Variants in PCGF5 observed in about 807,000 individuals in gnomAD.
PCGF5 encodes polycomb group ring finger 5.
PCGF5 carries 9 observed loss-of-function variants against 44.3 expected under a neutral mutation model. That is an observed-to-expected ratio of 0.20 (90% confidence interval 0.12 to 0.35). The LOEUF is 0.35. Ranked by LOEUF, PCGF5 falls within the 10% of genes least tolerant of loss-of-function variation. The pLI is 1.00. For missense variants in PCGF5, 146 were observed against 305.3 expected, an observed-to-expected ratio of 0.48 and a Z score of 3.89; for synonymous variants, 95 against 102.5, an observed-to-expected ratio of 0.93 and a Z score of 0.44.
intron 3 of PCGF5, among the ~76,000 whole-genome samples, chr10:91,245,899 G>A (rs1564647673): frequency 6.6e-6 from 1 of 152,192 alleles, no homozygotes; most frequent in Non-Finnish European, 1.5e-5. Flanking sequence ...ACTTGTGAGT[G>A]TAGTATGATT....
intron 3 of PCGF5, among the ~76,000 whole-genome samples, chr10:91,247,596 G>T (rs556483664): frequency 6.7e-6 from 1 of 150,326 alleles, no homozygotes; most frequent in East Asian, 2.0e-4. Flanking sequence ...CAGGAAGGGG[G>T]TGTTGTGGGG....
At chr10:91,177,105 T>C (rs1373414200) in intron 1 of PCGF5, among the ~76,000 whole-genome samples, 1 of 152,250 alleles carries the variant, frequency 6.6e-6, no homozygotes, top group Non-Finnish European at 1.5e-5. Flanking sequence ...CCTTTCTGTT[T>C]GTTAGTTTTC....
chr10:91,251,250 A>G (rs776352744), intron 5 of PCGF5, 42 bp from the exon 6 acceptor site: 2 of 1,514,726 alleles, frequency 1.3e-6, no homozygotes, highest in South Asian at 1.2e-5. Flanking sequence ...TTTAAAATCA[A>G]CTTTGATTTA....
At chr10:91,179,692 T>C (rs1386953887) in intron 1 of PCGF5, among the ~76,000 whole-genome samples, 1 of 152,254 alleles carries the variant, frequency 6.6e-6, no homozygotes, top group Non-Finnish European at 1.5e-5. Context: ...TTCTTTCTTA[T>C]GGCTGCATAG....
intron 1 of PCGF5, among the ~76,000 whole-genome samples, chr10:91,189,864 T>C (rs1336068320): frequency 1.3e-5 from 2 of 152,218 alleles, no homozygotes; most frequent in African/African-American, 2.4e-5. Flanking sequence ...AGTATAAAAA[T>C]GTAGTTTTGA....
At chr10:91,275,044 C>T (rs930267924) in intron 9 of PCGF5, among the ~76,000 whole-genome samples, 2 of 151,876 alleles carry the variant, frequency 1.3e-5, no homozygotes, top group African/African-American at 4.8e-5. Flanking sequence ...GTGGGGATGG[C>T]CTTTCACGTT....
rs930435664 is a variant in PCGF5 at position 91,234,247 on chromosome 10, C to T, written c.113-6237C>T. On this transcript the variant is annotated intron_variant, in intron 2 of 9. Coordinates refer to ENST00000336126, the MANE Select transcript of PCGF5 (RefSeq NM_032373.5). ...GGGTATATGCAAAGGAATTGGGAAG[C>T]GGCAAAACAAAATAGCTTCTAGACC... Among the ~76,000 whole-genome samples the T allele has an allele frequency of 3.9e-5, 6 of 152,212 alleles. No individual in the cohort carries two copies. The South Asian group carries it at 6.2e-4, about 16-fold the overall frequency.
intron 3 of PCGF5, among the ~76,000 whole-genome samples, chr10:91,244,462 C>T (rs1845407528): frequency 6.6e-6 from 1 of 152,110 alleles, no homozygotes; most frequent in Non-Finnish European, 1.5e-5. Context: ...CATGAGATTC[C>T]AGATTATGAA....
chr10:91,240,298 C>T lies in PCGF5; in HGVS notation c.113-186C>T, dbSNP rs150157769. Among the ~76,000 whole-genome samples the T allele has an allele frequency of 1.9e-3, 289 of 152,206 alleles. 1 individual carries two copies. The highest frequency in any genetic ancestry group is 3.2e-3 in the Non-Finnish European group (215 of 68,006). On this transcript the variant is annotated intron_variant, in intron 2 of 9. Coordinates refer to ENST00000336126, the MANE Select transcript of PCGF5 (RefSeq NM_032373.5). Reference sequence around the variant, plus strand: ...AATAATTTATGCTTTTTGTTTGTGGCAGTAGACTTTTATTGCAGTTGGGTG... The same window carrying T: ...AATAATTTATGCTTTTTGTTTGTGGTAGTAGACTTTTATTGCAGTTGGGTG...
At chr10:91,158,982 G>A (rs1019331014), upstream of PCGF5, among the ~76,000 whole-genome samples, 4 of 152,156 alleles carry the variant, frequency 2.6e-5, no homozygotes, top group African/African-American at 9.7e-5. Flanking sequence ...AGTATGCTAA[G>A]ATTGCTGAGG....
chr10:91,208,051 C>A (rs1381106387), intron 1 of PCGF5, among the ~76,000 whole-genome samples: 1 of 152,150 alleles, frequency 6.6e-6, no homozygotes, highest in African/African-American at 2.4e-5. Flanking sequence ...AGACACTGTA[C>A]AACTATGTAA....
At chr10:91,227,671 A>AC (rs1283766153) in intron 2 of PCGF5, 1 of 1,068,612 alleles carries the variant, frequency 9.4e-7, no homozygotes, top group Non-Finnish European at 1.1e-6. Flanking sequence ...ATCACTCTTA[A>AC]CCCACCCTAA....
chr10:91,212,499 T>C (rs752833574), intron 1 of PCGF5, among the ~76,000 whole-genome samples: 1 of 152,254 alleles, frequency 6.6e-6, no homozygotes, highest in Non-Finnish European at 1.5e-5. Flanking sequence ...TGACCAGAAG[T>C]AGCTGGAAGT....
At chr10:91,159,331 G>T (rs11186475), upstream of PCGF5, among the ~76,000 whole-genome samples, 29,549 of 151,966 alleles carry the variant, frequency 0.19, 4,439 homozygotes, top group African/African-American at 0.42. Context: ...AATGTTCATG[G>T]CTCCCCTCAA....
upstream of PCGF5, among the ~76,000 whole-genome samples, chr10:91,159,221 T>C (rs1370946606): frequency 6.6e-6 from 1 of 152,218 alleles, no homozygotes; most frequent in Non-Finnish European, 1.5e-5. Flanking sequence ...TTCTGGTATT[T>C]ACTAGCTGGA....
At chr10:91,263,374 AT>A (rs1845971766) in intron 7 of PCGF5, among the ~76,000 whole-genome samples, 1 of 152,194 alleles carries the variant, frequency 6.6e-6, no homozygotes. Context: ...CCTGAAAAAC[AT>A]TTTGAGGTCC....
In PCGF5 at chr10:91,251,391, G is replaced by A; in HGVS notation, c.425G>A (p.Cys142Tyr). Reference sequence around the variant, plus strand: ...AGAAGTGACCCACAAATTGCTATCTGTCTAGATTGTTTACGAAATAATGGG... The same window carrying A: ...AGAAGTGACCCACAAATTGCTATCTATCTAGATTGTTTACGAAATAATGGG... ...YHRSDPQIAI[C>Y]LDCLRNNGQS... The change falls in exon 6 of 10, where the codon TGT becomes TAT. Residue 142 changes from cysteine to tyrosine, a missense_variant. Cys to Tyr is a radical substitution (Grantham distance 194). Coordinates refer to ENST00000336126, the MANE Select transcript of PCGF5 (RefSeq NM_032373.5). The A allele has an allele frequency of 6.2e-7, 1 of 1,611,412 alleles. No homozygotes were observed. Among genetic ancestry groups the A allele is most frequent in the Non-Finnish European group, 8.5e-7 (1 of 1,178,222 alleles).
intron 1 of PCGF5, among the ~76,000 whole-genome samples, chr10:91,180,834 C>T (rs1433580568): frequency 6.6e-6 from 1 of 152,150 alleles, no homozygotes; most frequent in Non-Finnish European, 1.5e-5. Flanking sequence ...GCTATTCAGG[C>T]TCTTTTTTGG....
intron 1 of PCGF5, among the ~76,000 whole-genome samples, chr10:91,209,144 G>A (rs1441176230): frequency 6.6e-6 from 1 of 151,996 alleles, no homozygotes; most frequent in African/African-American, 2.4e-5. Flanking sequence ...TTTGTTTAAT[G>A]TGTTTACATT....
Sources: allele counts gnomAD v4.1 joint callset (sites outside exome capture counted in the v4.1 genomes callset), GRCh38; gene constraint gnomAD v4.1.1; transcripts MANE v1.5; gene names NCBI Gene and HGNC (gene_info 2026-07-23, HGNC 2026-07-21).